The following KCNN3 variants were observed in gnomAD, a reference collection of about 807,000 sequenced individuals.
KCNN3 encodes small conductance calcium-activated potassium channel protein 3.
KCNN3 carries 16 observed loss-of-function variants against 62.9 expected under a neutral mutation model. That is an observed-to-expected ratio of 0.25 (90% confidence interval 0.17 to 0.39). The LOEUF (loss-of-function observed/expected upper bound fraction) is 0.39, where lower values mean the gene tolerates loss of function less well. KCNN3 is among the 10% of genes least tolerant of loss of function. KCNN3 has a pLI of 1.00. For synonymous variants in KCNN3, 370 were observed against 389.2 expected (o/e 0.95, Z 0.58); for missense variants, 599 against 949.4 (o/e 0.63, Z 4.85).
At chr1:154,759,186 G>A (rs549193777) in intron 3 of KCNN3, among the ~76,000 whole-genome samples, 75 of 152,320 alleles carry the variant, frequency 4.9e-4, no homozygotes, top group Middle Eastern at 3.4e-3. Flanking sequence ...CCCCAGCCTG[G>A]CGCGGGGGCC....
intron 1 of KCNN3, among the ~76,000 whole-genome samples, chr1:154,827,539 C>G (rs980911524): frequency 6.6e-6 from 1 of 152,204 alleles, no homozygotes; most frequent in African/African-American, 2.4e-5. Context: ...TGGCTCACGC[C>G]TGTAAGTCCA....
At chr1:154,866,732 C>T (rs982200781) in intron 1 of KCNN3, among the ~76,000 whole-genome samples, 1 of 152,250 alleles carries the variant, frequency 6.6e-6, no homozygotes, top group African/African-American at 2.4e-5. Flanking sequence ...CAAGAAGGAC[C>T]TCTCAGCTAC....
chr1:154,740,430 G>A (rs1182920715), intron 3 of KCNN3, among the ~76,000 whole-genome samples: 1 of 152,330 alleles, frequency 6.6e-6, no homozygotes, highest in Non-Finnish European at 1.5e-5. Flanking sequence ...TTACAGGCAT[G>A]AGCCACCTCA....
chr1:154,789,885 CTTTT>C (rs1180595465), intron 2 of KCNN3, among the ~76,000 whole-genome samples: 4 of 132,274 alleles, frequency 3.0e-5, no homozygotes, highest in Non-Finnish European at 6.8e-5. Context: ...GGAATGCTTG[CTTTT>C]TTTGTTTGTT....
At chr1:154,778,889 A>G (rs1571266491) in intron 2 of KCNN3, among the ~76,000 whole-genome samples, 2 of 152,036 alleles carry the variant, frequency 1.3e-5, no homozygotes, top group Non-Finnish European at 2.9e-5. Context: ...CGTATGAGCC[A>G]CCACGCCTGG....
At chr1:154,789,315 A>C (rs914614330) in intron 2 of KCNN3, among the ~76,000 whole-genome samples, 3 of 152,090 alleles carry the variant, frequency 2.0e-5, no homozygotes, top group Non-Finnish European at 4.4e-5. Flanking sequence ...ATAACCCAGG[A>C]TACTCTCCTC....
intron 2 of KCNN3, among the ~76,000 whole-genome samples, chr1:154,777,209 A>G (rs1258845466): frequency 6.6e-6 from 1 of 151,784 alleles, no homozygotes; most frequent in Non-Finnish European, 1.5e-5. Flanking sequence ...CTGTGGTTCT[A>G]CACAGACCCT....
At chr1:154,751,967 T>G (rs919044928) in intron 3 of KCNN3, among the ~76,000 whole-genome samples, 1 of 152,114 alleles carries the variant, frequency 6.6e-6, no homozygotes, top group Non-Finnish European at 1.5e-5. Flanking sequence ...CAGACAGTTG[T>G]GTAAAGTGCC....
rs575591692 is a variant in KCNN3, at chr1:154,735,332, C to A, written c.1449-2188G>T. 2.6e-4 allele frequency among the ~76,000 whole-genome samples: 39 copies of A among 152,348 alleles called. 1 individual carries two copies. The highest frequency in any genetic ancestry group is 3.4e-3 in the Middle Eastern group (1 of 294). On this transcript the variant is annotated intron_variant, in intron 3 of 7. Transcript: ENST00000271915. ...CCCCACTTGAGTCCTTGGCCAGCAA[C>A]TGGAGACCCAGTGGGTGGCACAGCA...
In KCNN3 at chr1:154,801,346, C is replaced by T. The variant is rs951507854; in HGVS notation, c.1029+20743G>A. On this transcript the variant is annotated intron_variant, in intron 2 of 7. Coordinates refer to ENST00000271915, the MANE Select transcript of KCNN3 (RefSeq NM_002249.6). Reference sequence around the variant, plus strand: ...GTCACTTTTTATTCTTTTCTATCCACAATCATTAGGGGAAAATCTCTCTGC... The same window carrying T: ...GTCACTTTTTATTCTTTTCTATCCATAATCATTAGGGGAAAATCTCTCTGC... Among the ~76,000 whole-genome samples, 58 of 152,246 alleles carry T rather than the reference C, an allele frequency of 3.8e-4. No individual in the cohort carries two copies. In the Middle Eastern group the frequency reaches 0.01, roughly 27 times the overall value.
chr1:154,721,755 AC>A (rs1700354853), intron 5 of KCNN3, among the ~76,000 whole-genome samples: 1 of 151,960 alleles, frequency 6.6e-6, no homozygotes, highest in African/African-American at 2.4e-5. Flanking sequence ...CTGTTTAGCT[AC>A]ATAAAACAGA....
chr1:154,711,504 CT>C (rs1194119765), intron 7 of KCNN3, among the ~76,000 whole-genome samples: 1 of 136,762 alleles, frequency 7.3e-6, no homozygotes, highest in Non-Finnish European at 1.6e-5. Flanking sequence ...AATAATAAAA[CT>C]AAAAAAAAAA....
At chr1:154,751,728 G>A (rs541404526) in intron 3 of KCNN3, among the ~76,000 whole-genome samples, 13 of 152,146 alleles carry the variant, frequency 8.5e-5, no homozygotes, top group South Asian at 8.3e-4. Context: ...AGACTCCTTC[G>A]TCCACTGCAT....
chr1:154,850,068 C>T (rs1558006652), intron 1 of KCNN3, among the ~76,000 whole-genome samples: 1 of 152,184 alleles, frequency 6.6e-6, no homozygotes, highest in Non-Finnish European at 1.5e-5. Context: ...CTCCCCTACT[C>T]ATGCCACTCG....
In KCNN3 at chr1:154,702,159, CAGT is replaced by C. The variant is rs1699866958; in HGVS notation, c.*5814_*5816del. On this transcript the variant is annotated 3_prime_UTR_variant, in exon 8 of 8. Transcript: ENST00000271915. ...CTTGGAGAATTAGAATATGGCAGTT[CAGT>C]AGGCTGTGGTAGGAGGACCCTTTTT... 6.6e-6 allele frequency: 1 copy of C among 151,920 alleles called. No homozygotes were observed. Among genetic ancestry groups the C allele is most frequent in the African/African-American group, 2.4e-5 (1 of 41,334 alleles). The allele number at this position is 151,920 out of a possible 1,614,324, so 9.4% of individuals were successfully genotyped here. A position where few individuals can be genotyped will look rare whatever the true frequency, so the allele number is the denominator to read the frequency against.
At chr1:154,829,553 T>A (rs1171771696) in intron 1 of KCNN3, among the ~76,000 whole-genome samples, 1 of 152,108 alleles carries the variant, frequency 6.6e-6, no homozygotes, top group East Asian at 1.9e-4. Context: ...GGATCCCCAG[T>A]GGGCGGAAAG....
chr1:154,800,635 C>A (rs1484888752), intron 2 of KCNN3, among the ~76,000 whole-genome samples: 2 of 152,146 alleles, frequency 1.3e-5, no homozygotes, highest in African/African-American at 2.4e-5. Context: ...ACCTGGGCAC[C>A]AGTTCTGATG....
chr1:154,715,560 CCTTT>C (rs963013293), intron 5 of KCNN3, among the ~76,000 whole-genome samples: 61 of 150,156 alleles, frequency 4.1e-4, no homozygotes, highest in South Asian at 8.4e-4. Context: ...TTTCTTTCTT[CCTTT>C]CTTTCTTTCT....
At chr1:154,827,223 G>A (rs1031295401) in intron 1 of KCNN3, among the ~76,000 whole-genome samples, 31 of 152,042 alleles carry the variant, frequency 2.0e-4, no homozygotes, top group African/African-American at 6.5e-4. Flanking sequence ...ATTCAACATC[G>A]GCTTATGACT....
Sources: allele counts gnomAD v4.1 joint callset (sites outside exome capture counted in the v4.1 genomes callset), GRCh38; gene constraint gnomAD v4.1.1; transcripts MANE v1.5; gene names NCBI Gene and HGNC (gene_info 2026-07-23, HGNC 2026-07-21).